C12orf42: variants seen among roughly 807,000 people sequenced by gnomAD.
The protein encoded by C12orf42 is uncharacterized protein C12orf42.
In C12orf42, 25 loss-of-function variants were observed where a neutral mutation model predicts 21.6. The observed-to-expected ratio is 1.16, with a 90% CI of 0.84 to 1.62. The LOEUF is 1.62. C12orf42 is among the 40% of genes most tolerant of loss of function. The probability of loss-of-function intolerance (pLI) is 0.00; values close to 1 mark genes in which losing one functional copy is unlikely to be tolerated. For missense variants in C12orf42, 483 were observed against 459.3 expected, an observed-to-expected ratio of 1.05 and a Z score of -0.47; for synonymous variants, 174 against 175.0, an observed-to-expected ratio of 0.99 and a Z score of 0.05.
At chr12:103,350,918 T>A (rs190983431) in intron 4 of C12orf42, among the ~76,000 whole-genome samples, 1 of 151,746 alleles carries the variant, frequency 6.6e-6, no homozygotes, top group Admixed American at 6.6e-5. Flanking sequence ...TTACTGAGAC[T>A]TTTTTTTTCT....
chr12:103,337,952 C>T (rs73387712), intron 4 of C12orf42, among the ~76,000 whole-genome samples: 1,587 of 152,230 alleles, frequency 0.01, 25 homozygotes, highest in African/African-American at 0.033. Context: ...CCCAAGACCA[C>T]GTTATATTAA....
chr12:103,318,073 G>A (rs2039699159), intron 4 of C12orf42, among the ~76,000 whole-genome samples: 1 of 152,072 alleles, frequency 6.6e-6, no homozygotes, highest in African/African-American at 2.4e-5. Context: ...AGGCCAAGGT[G>A]GGTTCATTGC....
intron 2 of C12orf42, among the ~76,000 whole-genome samples, chr12:103,412,610 C>T (rs2048947119): frequency 6.6e-6 from 1 of 152,152 alleles, no homozygotes; most frequent in Non-Finnish European, 1.5e-5. Context: ...CAGAGGTTGG[C>T]TTACTACAAC....
At chr12:103,125,557 G>A in the C12orf42 span, among the ~76,000 whole-genome samples, 1 of 152,120 alleles carries the variant, frequency 6.6e-6, no homozygotes, top group African/African-American at 2.4e-5. Flanking sequence ...GGGAAGAAAT[G>A]AGTTCATTGC....
chr12:103,221,010 T>C, the C12orf42 span, among the ~76,000 whole-genome samples: 1 of 152,254 alleles, frequency 6.6e-6, no homozygotes, highest in Non-Finnish European at 1.5e-5. Flanking sequence ...TCAGCCAGGA[T>C]TAACCTGCTT....
chr12:103,391,481 C>T (rs1190014504), intron 3 of C12orf42, among the ~76,000 whole-genome samples: 3 of 151,990 alleles, frequency 2.0e-5, no homozygotes, highest in Non-Finnish European at 4.4e-5. Flanking sequence ...TAAAGTGATA[C>T]CTCATCGTGG....
downstream of C12orf42, among the ~76,000 whole-genome samples, chr12:103,265,162 T>G (rs1320901783): frequency 1.3e-5 from 2 of 152,078 alleles, no homozygotes; most frequent in African/African-American, 4.8e-5. Context: ...TCATAAGGGC[T>G]CCACCCTCAT....
At chr12:103,434,640 T>A (rs1360651984) in intron 2 of C12orf42, among the ~76,000 whole-genome samples, 47 of 152,232 alleles carry the variant, frequency 3.1e-4, no homozygotes, top group African/African-American at 1.1e-3. Flanking sequence ...AAGGGGTGAC[T>A]GACGCACCTG....
At chr12:103,454,116 T>C (rs1217402749) in intron 2 of C12orf42, among the ~76,000 whole-genome samples, 1 of 152,096 alleles carries the variant, frequency 6.6e-6, no homozygotes, top group Non-Finnish European at 1.5e-5. Flanking sequence ...TTAGAATTCT[T>C]CCCTGCTCTG....
At chr12:103,487,635 G>C (rs925998772) in intron 1 of C12orf42, among the ~76,000 whole-genome samples, 1 of 152,168 alleles carries the variant, frequency 6.6e-6, no homozygotes, top group African/African-American at 2.4e-5. Context: ...GAATCTGGTT[G>C]CTCCTGCATT....
chr12:103,116,381 A>AATATATATATATATAT, the C12orf42 span, among the ~76,000 whole-genome samples: 79 of 136,688 alleles, frequency 5.8e-4, 1 homozygote, highest in African/African-American at 2.0e-3. Flanking sequence ...AAAAAAAAAA[A>AATATATATATATATAT]ATATATATAT....
intron 3 of C12orf42, among the ~76,000 whole-genome samples, chr12:103,375,543 G>C (rs1341090622): frequency 2.6e-5 from 4 of 152,004 alleles, no homozygotes; most frequent in Non-Finnish European, 5.9e-5. Context: ...CCAAAAAACG[G>C]CTTATGATCA....
At chr12:103,490,163 C>T (rs1248847214) in intron 1 of C12orf42, among the ~76,000 whole-genome samples, 2 of 152,200 alleles carry the variant, frequency 1.3e-5, no homozygotes, top group Non-Finnish European at 2.9e-5. Context: ...AGCTAAGCTC[C>T]CCACTTTATT....
At chr12:103,290,231 T>C (rs1045167725) in intron 4 of C12orf42, among the ~76,000 whole-genome samples, 6 of 152,174 alleles carry the variant, frequency 3.9e-5, no homozygotes, top group African/African-American at 1.2e-4. Flanking sequence ...TCATCTTCTA[T>C]AGAAATGCAC....
chr12:103,148,679 T>C, the C12orf42 span, among the ~76,000 whole-genome samples: 2 of 152,332 alleles, frequency 1.3e-5, no homozygotes, highest in East Asian at 3.9e-4. Flanking sequence ...ATTAGTTTAA[T>C]ATTACTCCAA....
the C12orf42 span, among the ~76,000 whole-genome samples, chr12:103,050,620 C>T: frequency 1.3e-5 from 2 of 151,910 alleles, no homozygotes; most frequent in Non-Finnish European, 2.9e-5. Context: ...AATGTCATTT[C>T]GTGCCAGGAC....
chr12:103,256,439 C>T (rs756476598), intron 10 of C12orf42, among the ~76,000 whole-genome samples: 3 of 151,556 alleles, frequency 2.0e-5, no homozygotes, highest in Non-Finnish European at 2.9e-5. Context: ...ACCAAGAGCC[C>T]CAGGACCCAC....
downstream of C12orf42, among the ~76,000 whole-genome samples, chr12:103,267,326 A>G (rs11111510): frequency 0.29 from 44,735 of 151,952 alleles, 6,817 homozygotes; most frequent in East Asian, 0.53. Context: ...ATATCCGACA[A>G]ATATTGATTG....
the C12orf42 span, among the ~76,000 whole-genome samples, chr12:103,190,757 A>C: frequency 6.6e-6 from 1 of 152,218 alleles, no homozygotes; most frequent in Non-Finnish European, 1.5e-5. Flanking sequence ...AGCCTGTGGG[A>C]GTTATGTGAC....
Sources: allele counts gnomAD v4.1 joint callset (sites outside exome capture counted in the v4.1 genomes callset), GRCh38; gene constraint gnomAD v4.1.1; transcripts MANE v1.5; gene names NCBI Gene and HGNC (gene_info 2026-07-23, HGNC 2026-07-21).